The following KCNK2 variants were observed in gnomAD, a reference collection of about 807,000 sequenced individuals.
KCNK2 encodes potassium two pore domain channel subfamily K member 2, also known as potassium channel subfamily K member 2.
Under a neutral mutation model 40.5 loss-of-function variants are expected in KCNK2, and 21 were observed. The observed-to-expected ratio is 0.52, with a 90% CI of 0.37 to 0.75. The LOEUF (loss-of-function observed/expected upper bound fraction) is 0.75, where lower values mean the gene tolerates loss of function less well. Among genes scored for constraint, KCNK2 ranks in the 30% least tolerant of loss-of-function variants. The pLI is 0.00. For missense variants in KCNK2, 399 were observed against 531.6 expected, an observed-to-expected ratio of 0.75 and a Z score of 2.45; for synonymous variants, 191 against 202.2, an observed-to-expected ratio of 0.94 and a Z score of 0.47.
intron 6 of KCNK2, among the ~76,000 whole-genome samples, chr1:215,209,995 A>ATATATATTATATATAATATATT (rs1558141488): frequency 3.3e-3 from 11 of 3,362 alleles, no homozygotes; most frequent in Non-Finnish European, 0.017. Flanking sequence ...TATAATATAT[A>ATATATATTATATATAATATATT]ATATATATTA....
Position 215,230,530 on chromosome 1 carries a change from T to TACACATAACAGCC in KCNK2, c.964-4297_964-4296insCACATAACAGCCA, listed in dbSNP as rs1558150308. ...CTGTATATATATATATATATATATA[T>TACACATAACAGCC]ATGTATATATATACACACACATAAC... On this transcript the variant is annotated intron_variant, in intron 6 of 6. Coordinates refer to ENST00000444842, the MANE Select transcript of KCNK2 (RefSeq NM_001017425.3). 2.3e-3 allele frequency among the ~76,000 whole-genome samples: 171 copies of TACACATAACAGCC among 75,526 alleles called. 1 individual carries two copies. The highest frequency in any genetic ancestry group is 3.6e-3 in the Admixed American group (20 of 5,628). 49.5% of individuals were successfully genotyped at this position (75,526 alleles called of 152,430 possible). A position where few individuals can be genotyped will look rare whatever the true frequency, so the allele number is the denominator to read the frequency against.
At chr1:215,102,573 G>A (rs1232254870) in intron 2 of KCNK2, among the ~76,000 whole-genome samples, 1 of 151,958 alleles carries the variant, frequency 6.6e-6, no homozygotes, top group Non-Finnish European at 1.5e-5. Context: ...TAGGTGCATA[G>A]TGTTTATGAA....
At chr1:215,135,804 G>A (rs1661879838) in intron 3 of KCNK2, among the ~76,000 whole-genome samples, 1 of 151,938 alleles carries the variant, frequency 6.6e-6, no homozygotes, top group African/African-American at 2.4e-5. Context: ...GCGTGATCTC[G>A]GCTCACTGCA....
intron 1 of KCNK2, among the ~76,000 whole-genome samples, chr1:215,016,942 G>C (rs1453503963): frequency 1.3e-5 from 2 of 152,134 alleles, no homozygotes; most frequent in Non-Finnish European, 2.9e-5. Context: ...CAAAGGACCT[G>C]AGTAGACATT....
At chr1:215,062,853 C>T (rs12038094) in intron 1 of KCNK2, among the ~76,000 whole-genome samples, 41,864 of 151,604 alleles carry the variant, frequency 0.28, 6,287 homozygotes, top group South Asian at 0.57. Flanking sequence ...TGTTGGGTGC[C>T]GGTCAGAAAT....
intron 2 of KCNK2, among the ~76,000 whole-genome samples, chr1:215,115,870 A>G (rs1660912950): frequency 6.6e-6 from 1 of 152,006 alleles, no homozygotes; most frequent in African/African-American, 2.4e-5. Context: ...TCATGGAAAA[A>G]TGCACACCAG....
At chr1:215,024,561 AT>A (rs373988591) in intron 1 of KCNK2, among the ~76,000 whole-genome samples, 1,548 of 151,708 alleles carry the variant, frequency 0.01, 25 homozygotes, top group South Asian at 0.074. Context: ...TTTTGCCATA[AT>A]TTTTTTTTCA....
At chr1:215,180,347 G>A (rs867881691) in intron 5 of KCNK2, among the ~76,000 whole-genome samples, 1 of 152,114 alleles carries the variant, frequency 6.6e-6, no homozygotes, top group Non-Finnish European at 1.5e-5. Context: ...AGGGCATTTA[G>A]ACCATTTACA....
chr1:215,014,070 T>G (rs1656499993), intron 1 of KCNK2, among the ~76,000 whole-genome samples: 1 of 152,110 alleles, frequency 6.6e-6, no homozygotes, highest in Non-Finnish European at 1.5e-5. Context: ...CTTTATCAGG[T>G]TAAGGAAATT....
intron 5 of KCNK2, among the ~76,000 whole-genome samples, chr1:215,188,988 A>G (rs913717763): frequency 6.6e-6 from 1 of 152,230 alleles, no homozygotes; most frequent in African/African-American, 2.4e-5. Flanking sequence ...CCTGTAAGAC[A>G]GAATGTATGA....
intron 6 of KCNK2, among the ~76,000 whole-genome samples, chr1:215,211,190 C>A (rs1665728156): frequency 6.6e-6 from 1 of 152,088 alleles, no homozygotes; most frequent in African/African-American, 2.4e-5. Flanking sequence ...CCCCATTCCT[C>A]CAGCCTTTTC....
intron 6 of KCNK2, among the ~76,000 whole-genome samples, chr1:215,195,779 A>G (rs1664838257): frequency 6.6e-6 from 1 of 152,338 alleles, no homozygotes; most frequent in African/African-American, 2.4e-5. Context: ...TTACATATCC[A>G]GGATCACTAT....
chr1:215,215,854 C>T (rs1341592466), intron 6 of KCNK2, among the ~76,000 whole-genome samples: 1 of 152,194 alleles, frequency 6.6e-6, no homozygotes, highest in African/African-American at 2.4e-5. Flanking sequence ...TAAGCCCCTG[C>T]ACTCTTCTGG....
chr1:215,107,009 C>A (rs1408510485), intron 2 of KCNK2, among the ~76,000 whole-genome samples: 1 of 147,550 alleles, frequency 6.8e-6, no homozygotes, highest in Non-Finnish European at 1.5e-5. Context: ...AGTTTGAAGT[C>A]AAATAATGTA....
intron 1 of KCNK2, among the ~76,000 whole-genome samples, chr1:215,068,597 C>T (rs1188945130): frequency 6.6e-6 from 1 of 151,992 alleles, no homozygotes; most frequent in Non-Finnish European, 1.5e-5. Flanking sequence ...ATAATTTATT[C>T]TATTAATAGC....
At position 215,235,022 on chromosome 1, in the gene KCNK2, G is replaced by C. The variant is rs770780330; in HGVS notation, c.1158G>C (p.Val386=). Residue 386 remains valine, a synonymous_variant, in exon 7 of 7, where the codon GTG becomes GTC. Transcript: ENST00000444842. ...ELTPCRRTLS[V]NHLTSERDVL... ...CTCCTTGTAGGAGGACCCTGTCAGT[G>C]AACCACCTGACCAGCGAGAGGGATG... is the stretch of plus-strand genomic sequence containing the variant. 6.2e-7 allele frequency: 1 copy of C among 1,614,030 alleles called. No individual in the cohort carries two copies. Among genetic ancestry groups the C allele is most frequent in the African/African-American group, 1.3e-5 (1 of 75,050 alleles).
intron 5 of KCNK2, among the ~76,000 whole-genome samples, chr1:215,184,866 C>A (rs1304882599): frequency 3.3e-5 from 5 of 151,922 alleles, no homozygotes; most frequent in African/African-American, 1.2e-4. Flanking sequence ...CCCTCATGAT[C>A]TGAGACCAAA....
At position 215,018,384 on chromosome 1, in the gene KCNK2, T is replaced by C. The variant is rs528787113; in HGVS notation, c.34+12429T>C. On this transcript the variant is annotated intron_variant, in intron 1 of 6. Coordinates refer to the KCNK2 transcript ENST00000391895. ...GTAAAGAAGCTCTCATGACTAATTATAGGGTCTTGTGATTGGTTCCTGCCT... is the reference window on the plus strand; with the variant it reads ...GTAAAGAAGCTCTCATGACTAATTACAGGGTCTTGTGATTGGTTCCTGCCT... Among the ~76,000 whole-genome samples the C allele has an allele frequency of 5.9e-5, 9 of 152,316 alleles. No homozygotes were observed. In the South Asian group the frequency reaches 8.3e-4, roughly 14 times the overall value.
At chr1:215,137,986 A>G (rs1308157584) in intron 3 of KCNK2, among the ~76,000 whole-genome samples, 1 of 152,196 alleles carries the variant, frequency 6.6e-6, no homozygotes, top group African/African-American at 2.4e-5. Context: ...CATAAACCAC[A>G]AAAGGGTTTA....
Sources: gnomAD v4.1 joint callset for allele counts (sites outside exome capture counted in the v4.1 genomes callset) on GRCh38, gnomAD v4.1.1 for gene constraint, MANE v1.5 for transcripts, NCBI Gene and HGNC (gene_info 2026-07-23, HGNC 2026-07-21) for gene names.